Variants in MRPS35 observed in about 807,000 individuals in gnomAD.
The protein encoded by MRPS35 is small ribosomal subunit protein mS35.
MRPS35 carries 29 observed loss-of-function variants against 32.7 expected under a neutral mutation model. The ratio of observed to expected loss-of-function variants is 0.89; its 90% CI spans 0.66 to 1.21. The LOEUF (loss-of-function observed/expected upper bound fraction) is 1.21, where lower values mean the gene tolerates loss of function less well. Among genes scored for constraint, MRPS35 ranks in the 50% most tolerant of loss-of-function variants. The pLI is 0.00. For missense variants in MRPS35, 373 were observed against 383.8 expected, an observed-to-expected ratio of 0.97 and a Z score of 0.23; for synonymous variants, 148 against 139.3, an observed-to-expected ratio of 1.06 and a Z score of -0.44.
Position 27,743,182 on chromosome 12 carries a change from C to T in MRPS35, c.702+5574C>T, listed in dbSNP as rs115634306. Among the ~76,000 whole-genome samples the T allele has an allele frequency of 3.3e-3, 500 of 151,972 alleles. 1 individual carries two copies. The highest frequency in any genetic ancestry group is 0.011 in the African/African-American group (471 of 41,494). The stretch of plus-strand genomic sequence containing the variant: ...AGCCCCCTCTCACTGTTTCACTGTT[C>T]GTGAAAGAGTAAACCATCCTGTGTC... On this transcript the variant is annotated intron_variant, in intron 7 of 7. Transcript: ENST00000081029.
intron 4 of MRPS35, among the ~76,000 whole-genome samples, chr12:27,721,629 C>T (rs985319268): frequency 2.6e-5 from 4 of 151,896 alleles, no homozygotes; most frequent in South Asian, 4.2e-4. Flanking sequence ...GCACTCCAGC[C>T]GGGGTAACAA....
At position 27,719,642 on chromosome 12, in the gene MRPS35, C is replaced by T. The variant is rs530283868; in HGVS notation, c.322-166C>T. Among the ~76,000 whole-genome samples, 35 of 147,832 alleles carry T rather than the reference C, an allele frequency of 2.4e-4. 1 individual carries two copies. The highest frequency in any genetic ancestry group is 1.6e-3 in the Admixed American group (24 of 14,714). On this transcript the variant is annotated intron_variant, in intron 3 of 7. Transcript: ENST00000081029. The stretch of plus-strand genomic sequence containing the variant: ...GATTGCGCCACTGCAGTCCGCAGTC[C>T]GGCCTGGGCGACAGAGCGAGACTCT...
intron 7 of MRPS35, among the ~76,000 whole-genome samples, chr12:27,750,134 T>A (rs189247911): frequency 8.5e-5 from 13 of 152,358 alleles, no homozygotes; most frequent in South Asian, 6.2e-4. Flanking sequence ...CCATTTAGTG[T>A]AAATATTCAT....
At chr12:27,748,438 G>GGTT (rs2061988536) in intron 7 of MRPS35, among the ~76,000 whole-genome samples, 1 of 145,972 alleles carries the variant, frequency 6.9e-6, no homozygotes, top group Non-Finnish European at 1.5e-5. Flanking sequence ...AAAGAAAAGT[G>GGTT]GTGTGTGTGT....
Position 27,755,233 on chromosome 12 carries a change from T to C in MRPS35, c.755T>C (p.Ile252Thr), listed in dbSNP as rs1401928353. 5.6e-6 allele frequency: 9 copies of C among 1,608,946 alleles called. No individual in the cohort carries two copies. Among genetic ancestry groups the C allele is most frequent in the African/African-American group, 1.3e-5 (1 of 74,526 alleles). Residue 252 changes from isoleucine to threonine, a missense_variant, in exon 8 of 8, where the codon ATA (isoleucine) becomes ACA (threonine). Physicochemically the swap from Ile to Thr is moderately conservative, Grantham distance 89 (BLOSUM62 -1). Coordinates refer to ENST00000081029, the MANE Select transcript of MRPS35 (RefSeq NM_021821.4). The stretch of plus-strand genomic sequence containing the variant: ...ACTGAAGCAGACATGGAAGAGTATA[T>C]ATGGGAAAATAGCTCATCAGAAAGA... ...SKTEADMEEY[I>T]WENSSSERNI...
chr12:27,726,788 G>A (rs1399937469), intron 5 of MRPS35, among the ~76,000 whole-genome samples: 1 of 151,974 alleles, frequency 6.6e-6, no homozygotes, highest in African/African-American at 2.4e-5. Flanking sequence ...TTGGAGAAAT[G>A]TCTGTTCATA....
Position 27,735,496 on chromosome 12 carries a change from T to C in MRPS35, c.572T>C (p.Ile191Thr). The change falls in exon 6 of 8, where the codon ATT becomes ACT. Residue 191 changes from isoleucine to threonine, a missense_variant. Transcript: ENST00000081029. ...GATGATCACGCAAAGAAGAAATTAA[T>C]TAAACTTGTAGGAGAGCGATACTGC... is the stretch of plus-strand genomic sequence containing the variant. ...NLDDHAKKKL[I>T]KLVGERYCKT... 1 of 1,612,324 alleles carries C rather than the reference T, an allele frequency of 6.2e-7. No homozygotes were observed. Among genetic ancestry groups the C allele is most frequent in the Admixed American group, 1.7e-5 (1 of 59,716 alleles).
chr12:27,724,070 G>T lies in MRPS35; in HGVS notation c.406G>T (p.Ala136Ser). Residue 136 changes from alanine to serine, a missense_variant, in exon 5 of 8, where the codon GCA (alanine) becomes TCA (serine). Physicochemically the swap from Ala to Ser is moderately conservative, Grantham distance 99 (BLOSUM62 1). Coordinates refer to ENST00000081029, the MANE Select transcript of MRPS35 (RefSeq NM_021821.4). ...AGATTTTTGCACTGAGTGGCCAGCC[G>T]CACTGGACAGTGACGAGAAATGTGA... ...LKDFCTEWPA[A>S]LDSDEKCEKH... 1 of 1,607,474 alleles carries T rather than the reference G, an allele frequency of 6.2e-7. No individual in the cohort carries two copies. The highest frequency in any genetic ancestry group is 2.2e-5 in the East Asian group (1 of 44,814).
rs530075005 is a variant in MRPS35 at position 27,726,856 on chromosome 12, A to C, written c.522+2670A>C. ...CTTTCGATTGTTGAGTTATAAGTGT[A>C]TTTTATATATTCTGGACACCAGTCC... is the stretch of plus-strand genomic sequence containing the variant. On this transcript the variant is annotated intron_variant, in intron 5 of 7. Transcript: ENST00000081029. 5.1e-4 allele frequency among the ~76,000 whole-genome samples: 77 copies of C among 150,842 alleles called. 2 individuals are homozygous for C. The South Asian group carries it at 0.015, about 30-fold the overall frequency.
intron 7 of MRPS35, among the ~76,000 whole-genome samples, chr12:27,751,553 C>T (rs1222178475): frequency 1.3e-5 from 2 of 152,154 alleles, no homozygotes; most frequent in Non-Finnish European, 2.9e-5. Context: ...GTGGCTCCCG[C>T]GACCCCCATG....
intron 7 of MRPS35, among the ~76,000 whole-genome samples, chr12:27,751,102 CAAAAAA>C (rs71438703): frequency 4.2e-4 from 16 of 38,140 alleles, no homozygotes; most frequent in African/African-American, 1.5e-3. Context: ...GACTCCATCT[CAAAAAA>C]AAAAAAAAAA....
chr12:27,711,218 C>T (rs1365093906), intron 1 of MRPS35, among the ~76,000 whole-genome samples: 1 of 152,226 alleles, frequency 6.6e-6, no homozygotes, highest in Middle Eastern at 3.2e-3. Context: ...GTGACCTGCT[C>T]CTGTGTTGCC....
At position 27,716,364 on chromosome 12, in the gene MRPS35, T is replaced by G. The variant is rs375002987; in HGVS notation, c.227T>G (p.Phe76Cys). 6.2e-7 allele frequency: 1 copy of G among 1,614,074 alleles called. No individual in the cohort carries two copies. Among genetic ancestry groups the G allele is most frequent in the Non-Finnish European group, 8.5e-7 (1 of 1,180,036 alleles). ...WPSVYPVAAPFKPSAVPLPVR... is the reference protein window; with the variant it reads ...WPSVYPVAAPCKPSAVPLPVR... ...AGTGTTTACCCAGTTGCAGCACCAT[T>G]TAAACCCTCTGCAGTACCTCTTCCT... The change falls in exon 3 of 8, where the codon TTT (phenylalanine) becomes TGT (cysteine). Residue 76 changes from phenylalanine (F) to cysteine (C), a missense_variant. Phe to Cys is a radical substitution (Grantham distance 205). Transcript: ENST00000081029.
At chr12:27,749,525 G>A (rs528940642) in intron 7 of MRPS35, among the ~76,000 whole-genome samples, 120 of 152,252 alleles carry the variant, frequency 7.9e-4, no homozygotes, top group Non-Finnish European at 1.5e-3. Flanking sequence ...GAATAATATA[G>A]TGAAACATTT....
intron 7 of MRPS35, among the ~76,000 whole-genome samples, chr12:27,741,778 C>A (rs1194619587): frequency 1.3e-5 from 2 of 151,964 alleles, no homozygotes; most frequent in Non-Finnish European, 2.9e-5. Context: ...AGAAAAAAAA[C>A]AGTTGCTTTA....
intron 7 of MRPS35, among the ~76,000 whole-genome samples, chr12:27,743,181 T>A (rs1179822364): frequency 2.6e-5 from 4 of 152,000 alleles, no homozygotes; most frequent in African/African-American, 9.7e-5. Flanking sequence ...GTTTCACTGT[T>A]CGTGAAAGAG....
intron 7 of MRPS35, among the ~76,000 whole-genome samples, chr12:27,743,091 G>A (rs1419176256): frequency 6.6e-6 from 1 of 151,714 alleles, no homozygotes; most frequent in Non-Finnish European, 1.5e-5. Context: ...GAACTCCTGG[G>A]CTCAGGTGAT....
At chr12:27,747,995 C>T (rs1269553477) in intron 7 of MRPS35, among the ~76,000 whole-genome samples, 1 of 152,192 alleles carries the variant, frequency 6.6e-6, no homozygotes, top group Non-Finnish European at 1.5e-5. Flanking sequence ...ATAGTACTAA[C>T]TCACTCCTAG....
chr12:27,751,383 C>T (rs2062002618), intron 7 of MRPS35, among the ~76,000 whole-genome samples: 2 of 152,030 alleles, frequency 1.3e-5, no homozygotes, highest in Admixed American at 6.5e-5. Flanking sequence ...GTCCGAGGGG[C>T]GTGGGTGGAT....
Sources: gnomAD v4.1 joint callset for allele counts (sites outside exome capture counted in the v4.1 genomes callset) on GRCh38, gnomAD v4.1.1 for gene constraint, MANE v1.5 for transcripts, NCBI Gene and HGNC (gene_info 2026-07-23, HGNC 2026-07-21) for gene names.